CMSS1: variants seen among roughly 807,000 people sequenced by gnomAD.
The protein encoded by CMSS1 is protein CMSS1.
A neutral mutation model predicts 43.5 loss-of-function variants in CMSS1; 33 were observed. That is an observed-to-expected ratio of 0.76 (90% confidence interval 0.57 to 1.01). The LOEUF (loss-of-function observed/expected upper bound fraction) is 1.01, where lower values mean the gene tolerates loss of function less well. Ranked by LOEUF, CMSS1 falls within the 50% of genes least tolerant of loss-of-function variation. The pLI is 0.00. For synonymous variants in CMSS1, 115 were observed against 117.2 expected (o/e 0.98, Z 0.12); for missense variants, 313 against 326.4 (o/e 0.96, Z 0.32).
At chr3:99,970,922 T>C (rs1367361441) in intron 1 of CMSS1, among the ~76,000 whole-genome samples, 1 of 152,228 alleles carries the variant, frequency 6.6e-6, no homozygotes, top group Non-Finnish European at 1.5e-5. Context: ...GTTAGGAAGC[T>C]GTTGCAGTCA....
chr3:99,848,079 GA>G (rs2107520019), intron 1 of CMSS1: 1 of 1,327,184 alleles, frequency 7.5e-7, no homozygotes. Context: ...GTATGTAAAT[GA>G]AAAGATATAC....
At chr3:100,080,812 G>A (rs1190598319) in intron 1 of CMSS1, among the ~76,000 whole-genome samples, 1 of 152,182 alleles carries the variant, frequency 6.6e-6, no homozygotes, top group Non-Finnish European at 1.5e-5. Flanking sequence ...ACCAAATAAG[G>A]CAAGGACTGC....
chr3:99,870,482 T>A (rs1409014132), intron 1 of CMSS1, among the ~76,000 whole-genome samples: 1 of 152,228 alleles, frequency 6.6e-6, no homozygotes, highest in Non-Finnish European at 1.5e-5. Flanking sequence ...AGAGCAGGGA[T>A]GGGACCATAA....
intron 1 of CMSS1, among the ~76,000 whole-genome samples, chr3:100,017,511 C>A (rs1341819878): frequency 6.6e-6 from 1 of 152,198 alleles, no homozygotes; most frequent in Non-Finnish European, 1.5e-5. Flanking sequence ...AGAGTAAGCA[C>A]CATAGTAACC....
intron 1 of CMSS1, among the ~76,000 whole-genome samples, chr3:99,905,046 T>A (rs1706568204): frequency 6.6e-6 from 1 of 152,238 alleles, no homozygotes; most frequent in Non-Finnish European, 1.5e-5. Flanking sequence ...CACTGCTCCA[T>A]GCCAGTTAAC....
intron 1 of CMSS1, among the ~76,000 whole-genome samples, chr3:99,961,339 T>A (rs1419395619): frequency 6.6e-6 from 1 of 152,324 alleles, no homozygotes; most frequent in East Asian, 1.9e-4. Context: ...ACCCCAATAC[T>A]CCATGGGGTG....
At chr3:100,076,343 T>A (rs1390131392) in intron 1 of CMSS1, among the ~76,000 whole-genome samples, 1 of 152,218 alleles carries the variant, frequency 6.6e-6, no homozygotes, top group Admixed American at 6.5e-5. Context: ...AAAGCCAAAG[T>A]CCAGGTGCTT....
chr3:100,007,068 A>G (rs1285426135), intron 1 of CMSS1, among the ~76,000 whole-genome samples: 1 of 152,180 alleles, frequency 6.6e-6, no homozygotes, highest in Non-Finnish European at 1.5e-5. Flanking sequence ...GGTTTACACC[A>G]TCTTGTGGCC....
intron 2 of CMSS1, among the ~76,000 whole-genome samples, chr3:100,148,207 C>T (rs1196529008): frequency 6.6e-6 from 1 of 152,034 alleles, no homozygotes; most frequent in Non-Finnish European, 1.5e-5. Flanking sequence ...GTCTCCTGAG[C>T]AGCTGGGACT....
In CMSS1 at chr3:99,981,630, T is replaced by C. The variant is rs547269940; in HGVS notation, c.64+163587T>C. ...TATGTATGAATCCCCGTTTTGCAAGTGGAAAATTGACAGTTTCAATAACTT... is the reference window on the plus strand; with the variant it reads ...TATGTATGAATCCCCGTTTTGCAAGCGGAAAATTGACAGTTTCAATAACTT... On this transcript the variant is annotated intron_variant, in intron 1 of 9. Coordinates refer to ENST00000421999, the MANE Select transcript of CMSS1 (RefSeq NM_032359.4). Among the ~76,000 whole-genome samples the C allele has an allele frequency of 2.0e-5, 3 of 152,324 alleles. 1 individual carries two copies. In the East Asian group the frequency reaches 5.8e-4, roughly 29 times the overall value.
At chr3:99,904,069 C>T (rs1706531571) in intron 1 of CMSS1, among the ~76,000 whole-genome samples, 1 of 152,166 alleles carries the variant, frequency 6.6e-6, no homozygotes, top group South Asian at 2.1e-4. Context: ...TCTGATTGGA[C>T]CTTAAAATCT....
chr3:99,974,923 C>A (rs1708925755), intron 1 of CMSS1, among the ~76,000 whole-genome samples: 1 of 152,150 alleles, frequency 6.6e-6, no homozygotes, highest in Non-Finnish European at 1.5e-5. Context: ...ACTCTGTAAA[C>A]CTGGGCGTGT....
At chr3:100,117,834 TATATATATATATATATATAC>T (rs1356338981) in intron 1 of CMSS1, among the ~76,000 whole-genome samples, 15 of 92,632 alleles carry the variant, frequency 1.6e-4, no homozygotes, top group Middle Eastern at 4.5e-3. Context: ...AGTATATATA[TATATATATATATATATATAC>T]ATATATATAT....
chr3:100,064,177 T>C (rs780732699), intron 1 of CMSS1, among the ~76,000 whole-genome samples: 41 of 152,192 alleles, frequency 2.7e-4, no homozygotes, highest in Non-Finnish European at 5.7e-4. Flanking sequence ...CCTGTTAGGA[T>C]TGTGGGGTTG....
At chr3:99,964,915 A>C (rs897122385) in intron 1 of CMSS1, among the ~76,000 whole-genome samples, 5 of 152,218 alleles carry the variant, frequency 3.3e-5, no homozygotes, top group African/African-American at 1.2e-4. Context: ...CAGATACAAT[A>C]GTTTCCCAGG....
intron 1 of CMSS1, among the ~76,000 whole-genome samples, chr3:99,976,989 T>C (rs1452625216): frequency 2.0e-5 from 3 of 152,220 alleles, no homozygotes; most frequent in Non-Finnish European, 4.4e-5. Context: ...TCTATCCTCT[T>C]ATTCTAGCCT....
intron 6 of CMSS1, among the ~76,000 whole-genome samples, chr3:100,170,517 T>C (rs1429610508): frequency 6.6e-6 from 1 of 152,160 alleles, no homozygotes; most frequent in Non-Finnish European, 1.5e-5. Flanking sequence ...TGGGAAACAT[T>C]ATCAGTTGCC....
intron 1 of CMSS1, among the ~76,000 whole-genome samples, chr3:100,129,706 T>C (rs1003754462): frequency 6.6e-6 from 1 of 152,240 alleles, no homozygotes; most frequent in Non-Finnish European, 1.5e-5. Flanking sequence ...CCCAGCTCTA[T>C]AAAGATCCTT....
At chr3:100,050,637 T>A (rs1221575541) in intron 1 of CMSS1, among the ~76,000 whole-genome samples, 1 of 152,202 alleles carries the variant, frequency 6.6e-6, no homozygotes. Context: ...GTTCAAGCGA[T>A]TCTCCTGCCT....
Sources: allele counts gnomAD v4.1 joint callset (sites outside exome capture counted in the v4.1 genomes callset), GRCh38; gene constraint gnomAD v4.1.1; transcripts MANE v1.5; gene names NCBI Gene and HGNC (gene_info 2026-07-23, HGNC 2026-07-21).